TTN: variants seen among roughly 807,000 people sequenced by gnomAD.
TTN encodes titin.
A neutral mutation model predicts 3,223.0 loss-of-function variants in TTN; 1,525 were observed. The observed-to-expected ratio is 0.47, with a 90% CI of 0.45 to 0.49. The LOEUF (loss-of-function observed/expected upper bound fraction) is 0.49, where lower values mean the gene tolerates loss of function less well. TTN is among the 20% of genes least tolerant of loss of function. The pLI, the probability that TTN is intolerant of heterozygous loss-of-function variation, is 0.00. For missense variants in TTN, 40,786 were observed against 43,424.0 expected (o/e 0.94, Z 5.40); for synonymous variants, 14,094 against 15,161.0 (o/e 0.93, Z 5.17).
rs766884321 is a variant in TTN, at chr2:178,764,226, G to C, written c.10065C>G (p.Val3355=). The change falls in exon 43 of 363, where the codon GTC becomes GTG. Residue 3355 remains valine (V), a synonymous_variant. Coordinates refer to ENST00000589042, the MANE Select transcript of TTN (RefSeq NM_001267550.2). ...AACGGGCTGGCTGCCCTTCAGAAGT[G>C]ACAGTGTCCTGAAGCGGGGTGATGA... ...PAIITPLQDT[V]TSEGQPARFQ... The C allele has an allele frequency of 6.2e-7, 1 of 1,614,122 alleles. No individual in the cohort carries two copies. The highest frequency in any genetic ancestry group is 2.2e-5 in the East Asian group (1 of 44,860).
At chr2:178,582,882 T>G in intron 313 of TTN, 58 bp downstream of exon 313, 1 of 1,323,264 alleles carries the variant, frequency 7.6e-7, no homozygotes, top group South Asian at 2.0e-5. Flanking sequence ...CTGTAAATCC[T>G]ATTTACATCC....
chr2:178,795,785 T>C (rs1397513692), intron 6 of TTN, among the ~76,000 whole-genome samples: 1 of 152,178 alleles, frequency 6.6e-6, no homozygotes, highest in African/African-American at 2.4e-5. Flanking sequence ...CCTTGTGAAT[T>C]TCCAGGACAG....
At position 178,583,856 on chromosome 2, in the gene TTN, G is replaced by T; in HGVS notation, c.65326C>A (p.Leu21776Met). The stretch of plus-strand genomic sequence containing the variant: ...TCATGCTTTGGACGAGCCCAGATCA[G>T]AGATACAGTACTCTTGGTGACATCA... ...VIDVTKSTVS[L>M]IWARPKHDGG... The change falls in exon 312 of 363, where the codon CTG becomes ATG. Residue 21776 changes from leucine to methionine, a missense_variant. Leu to Met is a conservative substitution (Grantham distance 15). Transcript: ENST00000589042. 6.2e-7 allele frequency: 1 copy of T among 1,607,850 alleles called. No individual in the cohort carries two copies. The highest frequency in any genetic ancestry group is 8.5e-7 in the Non-Finnish European group (1 of 1,176,820).
Position 178,752,043 on chromosome 2 carries a change from G to GA in TTN, c.11311+1080dup, listed in dbSNP as rs58651353. The GA allele has an allele frequency of 0.021, 28,524 of 1,382,936 alleles. 34 individuals are homozygous for GA. The highest frequency in any genetic ancestry group is 0.044 in the African/African-American group (2,830 of 64,448). The allele number at this position is 1,382,936 out of a possible 1,614,324, so 85.7% of individuals were successfully genotyped here. A position where few individuals can be genotyped will look rare whatever the true frequency, so the allele number is the denominator to read the frequency against. ...GATTCCCCCTCAGAGAATAATTCTG[G>GA]AAAAAAAAAAAAAAACCTTTACTAT... On this transcript the variant is annotated intron_variant, in intron 47 of 362. Transcript: ENST00000589042.
At chr2:178,625,561 CT>C (rs1173716787) in intron 240 of TTN, among the ~76,000 whole-genome samples, 165 bp from the exon 241 acceptor site, 5 of 151,610 alleles carry the variant, frequency 3.3e-5, no homozygotes, top group African/African-American at 1.2e-4. Context: ...AGTTTGGGAT[CT>C]TTTTTTTAAA....
At chr2:178,702,868 T>A (rs1254810342) in intron 106 of TTN, among the ~76,000 whole-genome samples, 1 of 152,242 alleles carries the variant, frequency 6.6e-6, no homozygotes, top group Admixed American at 6.5e-5. Context: ...GTATTCATGC[T>A]GGTCGAATGT....
rs768582792 is a variant in TTN, at chr2:178,636,407, C to G, written c.41320G>C (p.Val13774Leu). 1.9e-6 allele frequency: 3 copies of G among 1,602,868 alleles called. No individual in the cohort carries two copies. Among genetic ancestry groups the G allele is most frequent in the Non-Finnish European group, 2.6e-6 (3 of 1,173,896 alleles). Residue 13774 changes from valine to leucine, a missense_variant, in exon 225 of 363, where the codon GTT (valine) becomes CTT (leucine). Coordinates refer to ENST00000589042, the MANE Select transcript of TTN (RefSeq NM_001267550.2). The surrounding 1 kb of genome is among the most constrained non-coding windows in gnomAD (Gnocchi z 4.3). ...GAAGACTAGAAATTACCTTCTACAACAAGTTTAGCCGTGGAGGTCTTTTCT... is the reference window on the plus strand; with the variant it reads ...GAAGACTAGAAATTACCTTCTACAAGAAGTTTAGCCGTGGAGGTCTTTTCT... ...NKEKTSTAKL[V>L]VEELPVRFVK...
In TTN at chr2:178,756,812, G is replaced by A; in HGVS notation, c.10679-15C>T. On this transcript the variant is annotated splice_polypyrimidine_tract_variant and intron_variant, in intron 45 of 362. Transcript: ENST00000589042. ...TAGGGCTTGCACTGTATAATCAAGTGACAAGAAAAAGAAAAGAATATTAAG... is the reference window on the plus strand; with the variant it reads ...TAGGGCTTGCACTGTATAATCAAGTAACAAGAAAAAGAAAAGAATATTAAG... 6.2e-7 allele frequency: 1 copy of A among 1,602,504 alleles called. No individual in the cohort carries two copies. The highest frequency in any genetic ancestry group is 8.5e-7 in the Non-Finnish European group (1 of 1,173,656).
chr2:178,734,136 A>G (rs1224940893), intron 52 of TTN, among the ~76,000 whole-genome samples, 192 bp downstream of exon 52: 1 of 152,082 alleles, frequency 6.6e-6, no homozygotes, highest in East Asian at 1.9e-4. Flanking sequence ...ATCAGATAAT[A>G]GATATTTACA....
rs543828787 is a variant in TTN, at chr2:178,584,377, A to G, written c.65174T>C (p.Val21725Ala). The change falls in exon 311 of 363, where the codon GTA becomes GCA. Residue 21725 changes from valine (V) to alanine (A), a missense_variant. Transcript: ENST00000589042. ...RSTEYPCAGLVEGLEYSFRIY... is the reference protein window; with the variant it reads ...RSTEYPCAGLAEGLEYSFRIY... The stretch of plus-strand genomic sequence containing the variant: ...TCTGAATGAATACTCAAGACCTTCT[A>G]CAAGGCCAGCACAAGGATATTCAGT... 98 of 1,613,294 alleles carry G rather than the reference A, an allele frequency of 6.1e-5. No individual in the cohort carries two copies. The South Asian group carries it at 9.9e-4, about 16-fold the overall frequency.
rs778462222 is a variant in TTN at position 178,548,888 on chromosome 2, G to T, written c.92738C>A (p.Thr30913Lys). 2 of 1,613,766 alleles carry T rather than the reference G, an allele frequency of 1.2e-6. No individual in the cohort carries two copies. Among genetic ancestry groups the T allele is most frequent in the East Asian group, 4.5e-5 (2 of 44,854 alleles). Reference sequence around the variant, plus strand: ...TGTTAACCGGTCAACTGCTTTAATTGTGCCAGTCACTTCACAGCTGTCGCC... The same window carrying T: ...TGTTAACCGGTCAACTGCTTTAATTTTGCCAGTCACTTCACAGCTGTCGCC... ...GKGDSCEVTG[T>K]IKAVDRLTAP... Residue 30913 changes from threonine to lysine, a missense_variant, in exon 339 of 363, where the codon ACA becomes AAA. Thr to Lys is a moderately conservative substitution (Grantham distance 78). Transcript: ENST00000589042. The surrounding 1 kb of genome is among the most constrained non-coding windows in gnomAD (Gnocchi z 4.3).
intron 344 of TTN, 151 bp downstream of exon 344, chr2:178,545,237 G>T: frequency 1.6e-6 from 1 of 624,982 alleles, no homozygotes; most frequent in Non-Finnish European, 2.4e-6. Flanking sequence ...AATGTTCTCT[G>T]ACTTAAGCTA....
intron 6 of TTN, among the ~76,000 whole-genome samples, chr2:178,798,183 A>G (rs2093870721): frequency 6.6e-6 from 1 of 152,170 alleles, no homozygotes; most frequent in Admixed American, 6.5e-5. Flanking sequence ...AATATTATTT[A>G]GGTCAACTAT....
At position 178,567,757 on chromosome 2, in the gene TTN, T is replaced by C. The variant is rs576791872; in HGVS notation, c.78375A>G (p.Val26125=). The change falls in exon 326 of 363, where the codon GTA becomes GTG. Residue 26125 remains valine (V), a synonymous_variant. Coordinates refer to ENST00000589042, the MANE Select transcript of TTN (RefSeq NM_001267550.2). ...GACCATCAGGCAAATCACGTTTCTC[T>C]ACAATGTAGCCTGTAATCATACTTC... ...DGGSMITGYI[V]EKRDLPDGRW... is the part of the protein sequence containing the mutation. 1.2e-6 allele frequency: 2 copies of C among 1,613,364 alleles called. No homozygotes were observed. The highest frequency in any genetic ancestry group is 4.5e-5 in the East Asian group (2 of 44,812).
chr2:178,751,795 C>A, intron 47 of TTN: 1 of 1,613,046 alleles, frequency 6.2e-7, no homozygotes, highest in Non-Finnish European at 8.5e-7. Context: ...GAAACCAAGT[C>A]ATTTCTGGAG....
rs894450040 is a variant in TTN, at chr2:178,663,692, T to A, written c.36467A>T (p.Glu12156Val). The A allele has an allele frequency of 1.2e-6, 2 of 1,613,612 alleles. No individual in the cohort carries two copies. Among genetic ancestry groups the A allele is most frequent in the Middle Eastern group, 1.7e-4 (1 of 6,058 alleles). The change falls in exon 171 of 363, where the codon GAA (glutamate) becomes GTA (valine). Residue 12156 changes from glutamate (E) to valine (V), a missense_variant. Transcript: ENST00000589042. ...TGGCGCTTTCTTTTCAGGAACTACT[T>A]CTTTGGGAGGCTCTGGTACTTAAAA... Reference protein sequence around the residue: ...PPVKVPEPPKEVVPEKKAPVA... With the variant: ...PPVKVPEPPKVVVPEKKAPVA...
intron 335 of TTN, 96 bp downstream of exon 335, chr2:178,551,533 TA>T: frequency 9.4e-7 from 1 of 1,067,980 alleles, no homozygotes; most frequent in Non-Finnish European, 1.3e-6. Flanking sequence ...AGAAGATATG[TA>T]AGAAGGTGAT....
Position 178,675,661 on chromosome 2 carries a change from G to C in TTN, c.34537+10C>G. On this transcript the variant is annotated intron_variant, in intron 149 of 362. Transcript: ENST00000589042. ...TGCAGCAAACATATCCCTGTTATGG[G>C]ATGATGTACCTTTGGCAGGAGGGGC... 7.1e-7 allele frequency: 1 copy of C among 1,411,300 alleles called. No homozygotes were observed. Among genetic ancestry groups the C allele is most frequent in the Non-Finnish European group, 9.2e-7 (1 of 1,091,540 alleles). The allele number at this position is 1,411,300 out of a possible 1,614,324, so 87.4% of individuals were successfully genotyped here.
rs892571234 is a variant in TTN, at chr2:178,720,236, A to G, written c.23406T>C (p.Ser7802=). 1.9e-6 allele frequency: 3 copies of G among 1,610,964 alleles called. No homozygotes were observed. Among genetic ancestry groups the G allele is most frequent in the Middle Eastern group, 1.6e-4 (1 of 6,068 alleles). ...KEPPRFVKKL[S]DTSTLIGDAV... ...CATCCCCAATAAGGGTTGAGGTGTC[A>G]CTTAGCTTTTTCACGAATCGTGGAG... is the stretch of plus-strand genomic sequence containing the variant. Residue 7802 remains serine (S), a synonymous_variant, in exon 81 of 363, where the codon AGT becomes AGC. Coordinates refer to ENST00000589042, the MANE Select transcript of TTN (RefSeq NM_001267550.2).
Sources: gnomAD v4.1 joint callset for allele counts (sites outside exome capture counted in the v4.1 genomes callset) on GRCh38, gnomAD v4.1.1 for gene constraint, Gnocchi (gnomAD v3.1) non-coding constraint, MANE v1.5 for transcripts, NCBI Gene and HGNC (gene_info 2026-07-23, HGNC 2026-07-21) for gene names.